The following CMTM8 variants were observed in gnomAD, a reference collection of about 807,000 sequenced individuals.
CMTM8 encodes CKLF like MARVEL transmembrane domain containing 8.
CMTM8 carries 12 observed loss-of-function variants against 18.6 expected under a neutral mutation model. That is an observed-to-expected ratio of 0.65 (90% CI 0.41 to 1.05). The LOEUF (loss-of-function observed/expected upper bound fraction) is 1.05, where lower values mean the gene tolerates loss of function less well. CMTM8 is among the 50% of genes least tolerant of loss of function. CMTM8 has a pLI of 0.00. For missense variants in CMTM8, 217 were observed against 227.2 expected, an observed-to-expected ratio of 0.95 and a Z score of 0.29; for synonymous variants, 87 against 90.6, an observed-to-expected ratio of 0.96 and a Z score of 0.23.
At chr3:32,270,346 T>C (rs1702418193) in intron 1 of CMTM8, among the ~76,000 whole-genome samples, 1 of 152,192 alleles carries the variant, frequency 6.6e-6, no homozygotes, top group Non-Finnish European at 1.5e-5. Flanking sequence ...GAAATACCAT[T>C]TGACCCAGCC....
chr3:32,297,269 C>T (rs907425277), intron 1 of CMTM8, among the ~76,000 whole-genome samples: 1 of 152,172 alleles, frequency 6.6e-6, no homozygotes, highest in Non-Finnish European at 1.5e-5. Context: ...ACCTCCACCT[C>T]CTGGGTTCAA....
Position 32,281,668 on chromosome 3 carries a change from G to T in CMTM8, c.147+42549G>T, listed in dbSNP as rs76325172. ...TTTCCTAATTCCTCTCATCCCACCTGCTCCTGACTGAACCCTCTCCAATCA... is the reference window on the plus strand; with the variant it reads ...TTTCCTAATTCCTCTCATCCCACCTTCTCCTGACTGAACCCTCTCCAATCA... On this transcript the variant is annotated intron_variant, in intron 1 of 3. Transcript: ENST00000307526. Among the ~76,000 whole-genome samples, 648 of 152,038 alleles carry T rather than the reference G, an allele frequency of 4.3e-3. 1 individual carries two copies. The highest frequency in any genetic ancestry group is 7.0e-3 in the Non-Finnish European group (475 of 67,976).
At chr3:32,242,691 C>T (rs919112548) in intron 1 of CMTM8, among the ~76,000 whole-genome samples, 1 of 152,052 alleles carries the variant, frequency 6.6e-6, no homozygotes, top group African/African-American at 2.4e-5. Flanking sequence ...ATGTGTTGAA[C>T]CTTCTTTTTC....
chr3:32,284,234 C>A (rs547467695), intron 1 of CMTM8, among the ~76,000 whole-genome samples: 5 of 152,360 alleles, frequency 3.3e-5, no homozygotes, highest in Non-Finnish European at 7.3e-5. Context: ...GCCTGGGCAA[C>A]AGAGCGAGAC....
chr3:32,288,086 C>T (rs777438247), intron 1 of CMTM8, among the ~76,000 whole-genome samples: 26 of 152,270 alleles, frequency 1.7e-4, no homozygotes, highest in Non-Finnish European at 2.8e-4. Flanking sequence ...TTCCAGATAT[C>T]AAATAGGTAG....
At chr3:32,331,411 T>C (rs557075985) in intron 1 of CMTM8, among the ~76,000 whole-genome samples, 2 of 146,636 alleles carry the variant, frequency 1.4e-5, no homozygotes, top group East Asian at 4.0e-4. Context: ...GTACGGGGGG[T>C]CCTCAAAAAA....
At chr3:32,329,214 C>T (rs1306048738) in intron 1 of CMTM8, among the ~76,000 whole-genome samples, 3 of 152,016 alleles carry the variant, frequency 2.0e-5, no homozygotes, top group Non-Finnish European at 2.9e-5. Flanking sequence ...TACGGGTGCC[C>T]GCCACCAAGC....
At chr3:32,247,238 A>G (rs1289463662) in intron 1 of CMTM8, among the ~76,000 whole-genome samples, 2 of 152,072 alleles carry the variant, frequency 1.3e-5, no homozygotes, top group Non-Finnish European at 2.9e-5. Flanking sequence ...TATAAAATTG[A>G]CCTTTTTAAA....
intron 1 of CMTM8, among the ~76,000 whole-genome samples, chr3:32,335,852 G>A (rs1696375624): frequency 6.6e-6 from 1 of 152,198 alleles, no homozygotes; most frequent in African/African-American, 2.4e-5. Flanking sequence ...GAGACTTGCA[G>A]GGCGGGAGAT....
At chr3:32,304,279 G>A (rs751699427) in intron 1 of CMTM8, among the ~76,000 whole-genome samples, 6 of 152,150 alleles carry the variant, frequency 3.9e-5, no homozygotes, top group Non-Finnish European at 8.8e-5. Context: ...TGTTGGCAGG[G>A]GGCTGAAAAT....
chr3:32,280,906 T>C (rs527811531), intron 1 of CMTM8, among the ~76,000 whole-genome samples: 1 of 151,558 alleles, frequency 6.6e-6, no homozygotes, highest in Admixed American at 6.6e-5. Flanking sequence ...TTGTCTCATT[T>C]TATAAATAAA....
At position 32,291,524 on chromosome 3, in the gene CMTM8, C is replaced by A. The variant is rs548041711; in HGVS notation, c.147+52405C>A. Among the ~76,000 whole-genome samples the A allele has an allele frequency of 4.7e-3, 721 of 152,058 alleles. 4 individuals carry two copies. Among genetic ancestry groups the A allele is most frequent in the South Asian group, 0.029 (139 of 4,820 alleles). The stretch of plus-strand genomic sequence containing the variant: ...AAACAACCCCATGAGATAATTTCTC[C>A]CTTATATAAATGAGGAAGTTGAGCC... On this transcript the variant is annotated intron_variant, in intron 1 of 3. Transcript: ENST00000307526.
At chr3:32,305,141 T>C (rs2125565452) in intron 1 of CMTM8, among the ~76,000 whole-genome samples, 1 of 152,238 alleles carries the variant, frequency 6.6e-6, no homozygotes, top group East Asian at 1.9e-4. Flanking sequence ...CATCTTCGAG[T>C]TGTGGCTTTA....
chr3:32,250,838 C>T (rs899574780), intron 1 of CMTM8, among the ~76,000 whole-genome samples: 2 of 151,914 alleles, frequency 1.3e-5, no homozygotes, highest in Non-Finnish European at 2.9e-5. Context: ...AATGATCCAC[C>T]TGTCTCGGCC....
intron 1 of CMTM8, among the ~76,000 whole-genome samples, chr3:32,278,650 C>G (rs148610322): frequency 3.2e-4 from 49 of 152,250 alleles, no homozygotes; most frequent in Middle Eastern, 3.4e-3. Context: ...GATAACGCAG[C>G]CCCATGCTTC....
At chr3:32,308,268 C>G (rs1424519025) in intron 1 of CMTM8, among the ~76,000 whole-genome samples, 1 of 152,166 alleles carries the variant, frequency 6.6e-6, no homozygotes, top group Non-Finnish European at 1.5e-5. Flanking sequence ...TTCATGTCCA[C>G]AGTGTGAGGG....
chr3:32,307,383 AC>A (rs1402300345), intron 1 of CMTM8, among the ~76,000 whole-genome samples: 1 of 152,086 alleles, frequency 6.6e-6, no homozygotes, highest in Non-Finnish European at 1.5e-5. Flanking sequence ...CTGGTGGCTG[AC>A]TGGATGAGGG....
At chr3:32,359,945 T>G (rs1696890904) in intron 2 of CMTM8, among the ~76,000 whole-genome samples, 1 of 152,198 alleles carries the variant, frequency 6.6e-6, no homozygotes, top group South Asian at 2.1e-4. Context: ...CCATCAGCAT[T>G]TGTTTTCTGA....
intron 1 of CMTM8, among the ~76,000 whole-genome samples, chr3:32,320,995 C>T (rs1368398475): frequency 1.3e-5 from 2 of 152,148 alleles, no homozygotes; most frequent in African/African-American, 4.8e-5. Context: ...CTTTGTACTT[C>T]ATAGGCAACA....
Sources: gnomAD v4.1 joint callset for allele counts (sites outside exome capture counted in the v4.1 genomes callset) on GRCh38, gnomAD v4.1.1 for gene constraint, MANE v1.5 for transcripts, NCBI Gene and HGNC (gene_info 2026-07-23, HGNC 2026-07-21) for gene names.